Variants in ELMO1 observed in about 807,000 individuals in gnomAD.
ELMO1 encodes engulfment and cell motility protein 1.
A neutral mutation model predicts 98.9 loss-of-function variants in ELMO1; 26 were observed. The observed-to-expected ratio is 0.26, with a 90% CI of 0.19 to 0.36. The LOEUF is 0.36. ELMO1 is among the 10% of genes least tolerant of loss of function. The probability of loss-of-function intolerance (pLI) is 1.00; values close to 1 mark genes in which losing one functional copy is unlikely to be tolerated. For synonymous variants in ELMO1, 346 were observed against 346.0 expected (o/e 1.00, Z 0.00); for missense variants, 627 against 935.2 (o/e 0.67, Z 4.30).
intron 2 of ELMO1, among the ~76,000 whole-genome samples, chr7:37,330,442 G>C (rs574686919): frequency 6.6e-6 from 1 of 151,736 alleles, no homozygotes. Flanking sequence ...TTTTTGTTTT[G>C]TTTCTTTTTT....
chr7:36,878,476 GA>G (rs143275778), intron 18 of ELMO1, among the ~76,000 whole-genome samples: 9,151 of 150,054 alleles, frequency 0.061, 365 homozygotes, highest in South Asian at 0.17. Flanking sequence ...GGGAGATATA[GA>G]AAAAAAAACA....
intron 1 of ELMO1, among the ~76,000 whole-genome samples, chr7:37,392,927 A>G (rs913810569): frequency 1.3e-5 from 2 of 152,210 alleles, no homozygotes; most frequent in African/African-American, 4.8e-5. Flanking sequence ...GCCTGTTTGC[A>G]CTTAAGGCCA....
At chr7:37,271,600 T>G (rs977978476) in intron 5 of ELMO1, 1 of 497,188 alleles carries the variant, frequency 2.0e-6, no homozygotes, top group African/African-American at 2.0e-5. Flanking sequence ...AAAGCTATCC[T>G]GGGCCGCAGG....
At position 37,249,868 on chromosome 7, in the gene ELMO1, C is replaced by T. The variant is rs149471360; in HGVS notation, c.414-5477G>A. On this transcript the variant is annotated intron_variant, in intron 6 of 21. Coordinates refer to ENST00000310758, the MANE Select transcript of ELMO1 (RefSeq NM_014800.11). ...CCAAGGCAGGAGGATTACTTGAGAC[C>T]AGGAGTTCAACACCAGCCTGGGAAA... Among the ~76,000 whole-genome samples the T allele has an allele frequency of 5.8e-3, 890 of 152,226 alleles. 8 individuals are homozygous for T. Among genetic ancestry groups the T allele is most frequent in the African/African-American group, 0.017 (717 of 41,534 alleles).
intron 16 of ELMO1, among the ~76,000 whole-genome samples, chr7:36,967,688 T>C (rs1789564888): frequency 6.6e-6 from 1 of 152,210 alleles, no homozygotes; most frequent in Non-Finnish European, 1.5e-5. Flanking sequence ...CACCTGGTGA[T>C]GAACAGCTGA....
At chr7:37,318,610 A>G (rs181759052) in intron 2 of ELMO1, among the ~76,000 whole-genome samples, 11 of 152,352 alleles carry the variant, frequency 7.2e-5, no homozygotes, top group Admixed American at 7.2e-4. Context: ...TGAAAGGAAT[A>G]AAGACCACAG....
intron 14 of ELMO1, among the ~76,000 whole-genome samples, chr7:37,123,261 C>A (rs1014025712): frequency 1.3e-5 from 2 of 152,174 alleles, no homozygotes; most frequent in African/African-American, 4.8e-5. Flanking sequence ...CAAAAGCTAG[C>A]AGAAGGCAAG....
Position 37,033,372 on chromosome 7 carries a change from T to TCG in ELMO1, c.1301-19939_1301-19938dup, listed in dbSNP as rs574245265. On this transcript the variant is annotated intron_variant, in intron 15 of 21. Transcript: ENST00000310758. The stretch of plus-strand genomic sequence containing the variant: ...CTCCGAGACACACTGCAAGGCTGGA[T>TCG]CGTGTTCACGGCAGTGTGAATTTTT... 1.1e-4 allele frequency: 51 copies of TCG among 455,772 alleles called. No individual in the cohort carries two copies. In the East Asian group the frequency reaches 3.4e-3, roughly 30 times the overall value. The allele number at this position is 455,772 out of a possible 1,614,324, so 28.2% of individuals were successfully genotyped here.
Position 36,855,406 on chromosome 7 carries a change from G to A in ELMO1, c.*145C>T. ...GCCAGCTAGGGGCTGAAAGTTGCCA[G>A]GGCTAGAGGTGATGCTGAAGGGAAT... On this transcript the variant is annotated 3_prime_UTR_variant, in exon 22 of 22. Coordinates refer to ENST00000310758, the MANE Select transcript of ELMO1 (RefSeq NM_014800.11). The surrounding 1 kb of genome is among the most constrained non-coding windows in gnomAD (Gnocchi z 4.2). 9.7e-7 allele frequency: 1 copy of A among 1,035,804 alleles called. No individual in the cohort carries two copies. Among genetic ancestry groups the A allele is most frequent in the East Asian group, 2.4e-5 (1 of 41,570 alleles). The allele number at this position is 1,035,804 out of a possible 1,614,324, so 64.2% of individuals were successfully genotyped here.
chr7:37,035,791 A>G (rs1359883281), intron 15 of ELMO1, among the ~76,000 whole-genome samples: 2 of 152,258 alleles, frequency 1.3e-5, no homozygotes, highest in African/African-American at 4.8e-5. Flanking sequence ...ACAATTTACC[A>G]GAGAGAAAAC....
intron 15 of ELMO1, among the ~76,000 whole-genome samples, chr7:37,064,890 A>T (rs1303155113): frequency 2.0e-5 from 3 of 152,046 alleles, no homozygotes; most frequent in Non-Finnish European, 4.4e-5. Flanking sequence ...TTTGGTGGGG[A>T]TGGTAAGGTC....
chr7:37,214,626 G>C (rs1043890914), intron 11 of ELMO1, among the ~76,000 whole-genome samples: 7 of 152,040 alleles, frequency 4.6e-5, no homozygotes, highest in Admixed American at 2.6e-4. Context: ...AGGAATGAGA[G>C]AATACAGTCA....
chr7:37,275,529 C>G (rs965816944), intron 4 of ELMO1, among the ~76,000 whole-genome samples: 1 of 152,228 alleles, frequency 6.6e-6, no homozygotes, highest in African/African-American at 2.4e-5. Context: ...CCTAAACTCT[C>G]TTCCCAAAAG....
chr7:37,259,309 C>T lies in ELMO1; in HGVS notation c.285G>A (p.Ser95=), dbSNP rs142772798. Residue 95 remains serine (S), a synonymous_variant, in exon 6 of 22, where the codon TCG becomes TCA. Coordinates refer to ENST00000310758, the MANE Select transcript of ELMO1 (RefSeq NM_014800.11). ...GGGCTTCCAGCTTGGCATCCATACT[C>T]GAGGACTGGATTCGTTCATGGAGCT... ...AQQLHERIQS[S]SMDAKLEALK... 5.3e-4 allele frequency: 854 copies of T among 1,614,114 alleles called. 4 individuals are homozygous for T. The African/African-American group carries it at 7.4e-3, about 14-fold the overall frequency.
At chr7:37,212,467 T>C (rs540220520) in intron 12 of ELMO1, among the ~76,000 whole-genome samples, 1 of 152,252 alleles carries the variant, frequency 6.6e-6, no homozygotes, top group East Asian at 1.9e-4. Flanking sequence ...TGTCATTCAA[T>C]ATTAAGAGGC....
chr7:36,920,443 C>T (rs1785054108), intron 16 of ELMO1, among the ~76,000 whole-genome samples: 1 of 152,106 alleles, frequency 6.6e-6, no homozygotes, highest in Admixed American at 6.5e-5. Context: ...AAAACAACTG[C>T]CACAATGTCC....
At chr7:37,227,739 T>C (rs528016449) in intron 8 of ELMO1, among the ~76,000 whole-genome samples, 1 of 152,276 alleles carries the variant, frequency 6.6e-6, no homozygotes, top group East Asian at 1.9e-4. Context: ...GGTTTTAAAG[T>C]TCTCTATAAA....
At chr7:37,399,242 G>A (rs6462762) in intron 1 of ELMO1, among the ~76,000 whole-genome samples, 11,953 of 152,268 alleles carry the variant, frequency 0.078, 1,191 homozygotes, top group East Asian at 0.24. Context: ...AACTCGTGCA[G>A]AAGGGAGACA....
chr7:37,171,509 T>TTTTTTTTTTG (rs1352287795), intron 13 of ELMO1, among the ~76,000 whole-genome samples: 2 of 142,546 alleles, frequency 1.4e-5, no homozygotes, highest in Admixed American at 7.3e-5. Flanking sequence ...TTTTTTTTTT[T>TTTTTTTTTTG]TGAGACAGAG....
Sources: allele counts gnomAD v4.1 joint callset (sites outside exome capture counted in the v4.1 genomes callset), GRCh38; gene constraint gnomAD v4.1.1; non-coding constraint Gnocchi (gnomAD v3.1); transcripts MANE v1.5; gene names NCBI Gene and HGNC (gene_info 2026-07-23, HGNC 2026-07-21).